CARD10: variants seen among roughly 807,000 people sequenced by gnomAD.
CARD10 encodes the protein caspase recruitment domain family member 10, also known as caspase recruitment domain-containing protein 10.
CARD10 carries 49 observed loss-of-function variants against 114.6 expected under a neutral mutation model. That is an observed-to-expected ratio of 0.43 (90% CI 0.34 to 0.54). The LOEUF is 0.54. Ranked by LOEUF, CARD10 falls within the 20% of genes least tolerant of loss-of-function variation. The probability of loss-of-function intolerance (pLI) is 0.03; values close to 1 mark genes in which losing one functional copy is unlikely to be tolerated. For missense variants in CARD10, 1,206 were observed against 1,397.2 expected, an observed-to-expected ratio of 0.86 and a Z score of 2.18; for synonymous variants, 602 against 593.2, an observed-to-expected ratio of 1.01 and a Z score of -0.21.
Position 37,504,138 on chromosome 22 carries a change from G to A in CARD10, c.1634+48C>T, listed in dbSNP as rs575015176. On this transcript the variant is annotated intron_variant, in intron 9 of 19. Transcript: ENST00000251973. The stretch of plus-strand genomic sequence containing the variant: ...TCTGGGAGGTGGCTGTTCGGGAAAC[G>A]GCAGCCCCACCTCCCTGGGTGTCTA... 3.9e-5 allele frequency: 53 copies of A among 1,353,342 alleles called. No homozygotes were observed. The South Asian group carries it at 4.0e-4, about 10-fold the overall frequency. 83.8% of individuals were successfully genotyped at this position (1,353,342 alleles called of 1,614,324 possible).
chr22:37,514,605 G>A (rs2103577), intron 3 of CARD10: 9,888 of 152,296 alleles, frequency 0.065, 343 homozygotes, highest in Non-Finnish European at 0.068. Flanking sequence ...CCAAGATATC[G>A]ACCCACCTGG....
At chr22:37,507,368 T>C (rs1923448880) in intron 6 of CARD10, among the ~76,000 whole-genome samples, 1 of 152,206 alleles carries the variant, frequency 6.6e-6, no homozygotes, top group Non-Finnish European at 1.5e-5. Flanking sequence ...CCGCTGCAGA[T>C]GGAACCTCAC....
chr22:37,512,603 G>C (rs80184311), intron 3 of CARD10, among the ~76,000 whole-genome samples: 14,432 of 151,560 alleles, frequency 0.095, 797 homozygotes, highest in South Asian at 0.21. Flanking sequence ...AGAAATTCAT[G>C]ACTCCCGCAT....
chr22:37,501,906 C>T lies in CARD10; in HGVS notation c.1787+696G>A, dbSNP rs189280723. ...TCAGGAAGCCTTGACTTTCGCCCTTCCCCCTCGCTCCTCCTCCACAGTCAC... is the reference window on the plus strand; with the variant it reads ...TCAGGAAGCCTTGACTTTCGCCCTTTCCCCTCGCTCCTCCTCCACAGTCAC... On this transcript the variant is annotated intron_variant, in intron 11 of 19. Transcript: ENST00000251973. The surrounding 1 kb of genome is among the most constrained non-coding windows in gnomAD (Gnocchi z 5.4). Among the ~76,000 whole-genome samples the T allele has an allele frequency of 3.9e-5, 6 of 152,354 alleles. No homozygotes were observed. Among genetic ancestry groups the T allele is most frequent in the Non-Finnish European group, 8.8e-5 (6 of 68,030 alleles).
chr22:37,497,462 C>T lies in CARD10; in HGVS notation c.1788-284G>A, dbSNP rs538935238. 1.1e-4 allele frequency among the ~76,000 whole-genome samples: 17 copies of T among 152,320 alleles called. No individual in the cohort carries two copies. The East Asian group carries it at 2.7e-3, about 24-fold the overall frequency. ...CAACTTTGCCTTGCCACGGCCCTTTCGTTTCCTCCATCAGAACGAACACCT... is the reference window on the plus strand; with the variant it reads ...CAACTTTGCCTTGCCACGGCCCTTTTGTTTCCTCCATCAGAACGAACACCT... On this transcript the variant is annotated intron_variant, in intron 11 of 19. Coordinates refer to ENST00000251973, the MANE Select transcript of CARD10 (RefSeq NM_014550.4).
chr22:37,517,150 G>C (rs1923869020), intron 2 of CARD10, among the ~76,000 whole-genome samples: 1 of 152,082 alleles, frequency 6.6e-6, no homozygotes, highest in Non-Finnish European at 1.5e-5. Context: ...ATACAAAACT[G>C]GAAACCTAGG....
At chr22:37,504,092 C>T (rs1205666891) in intron 9 of CARD10, 94 bp downstream of exon 9, 9 of 891,446 alleles carry the variant, frequency 1.0e-5, no homozygotes. Flanking sequence ...ACTGCCTGGA[C>T]CTGACTTTGG....
rs1380653090 is a variant in CARD10 at position 37,501,545 on chromosome 22, A to T, written c.1787+1057T>A. ...GCCAGAGGCCCTGGTCCTATGCTGT[A>T]CCCATCTGCTGCGTGACCCATCCCT... On this transcript the variant is annotated intron_variant, in intron 11 of 19. Coordinates refer to ENST00000251973, the MANE Select transcript of CARD10 (RefSeq NM_014550.4). This position sits in a 1 kb window ranked among gnomAD's most constrained non-coding sequence, Gnocchi z 5.4. Among the ~76,000 whole-genome samples the T allele has an allele frequency of 6.6e-6, 1 of 152,140 alleles. No homozygotes were observed. The highest frequency in any genetic ancestry group is 1.5e-5 in the Non-Finnish European group (1 of 68,012).
At position 37,496,458 on chromosome 22, in the gene CARD10, C is replaced by G; in HGVS notation, c.2050G>C (p.Asp684His). 6.2e-7 allele frequency: 1 copy of G among 1,611,260 alleles called. No homozygotes were observed. Among genetic ancestry groups the G allele is most frequent in the Non-Finnish European group, 8.5e-7 (1 of 1,177,828 alleles). Residue 684 changes from aspartate to histidine, a missense_variant, in exon 13 of 20, where the codon GAC (aspartate) becomes CAC (histidine). Coordinates refer to ENST00000251973, the MANE Select transcript of CARD10 (RefSeq NM_014550.4). The surrounding 1 kb of genome is among the most constrained non-coding windows in gnomAD (Gnocchi z 4.1). ...NQGSTLPSLM[D>H]SKACQSFHEA... ...CCCAAGCCAGACTTACCCTTCGAGT[C>G]CATCAGGGAGGGGAGTGTGGACCCC...
intron 7 of CARD10, among the ~76,000 whole-genome samples, chr22:37,505,056 A>T (rs1379644054): frequency 1.3e-5 from 2 of 152,200 alleles, no homozygotes; most frequent in East Asian, 3.9e-4. Flanking sequence ...TTGAACTGAG[A>T]ACTCAAGGGT....
rs371845957 is a variant in CARD10, at chr22:37,491,881, C to G, written c.2752-14G>C. The G allele has an allele frequency of 3.8e-6, 6 of 1,580,288 alleles. No homozygotes were observed. In the African/African-American group the frequency reaches 6.7e-5, roughly 18 times the overall value. ...CAGGCAGTGCTTCTGCTTGGAGGAT[C>G]GAGGCTACAATGTACTCCTGGGCCA... is the stretch of plus-strand genomic sequence containing the variant. On this transcript the variant is annotated splice_polypyrimidine_tract_variant and intron_variant, in intron 18 of 19. Transcript: ENST00000251973.
chr22:37,510,508 T>C, intron 3 of CARD10, 87 bp from the exon 4 acceptor site: 1 of 1,195,724 alleles, frequency 8.4e-7, no homozygotes, highest in Non-Finnish European at 1.2e-6. Flanking sequence ...CCCTCACTCC[T>C]GGGTGCCTCC....
rs953144680 is a variant in CARD10, at chr22:37,510,529, G to C, written c.700-108C>G. ...CTCCTGGGTGCCTCCCAGATTCCCA[G>C]AGAAGCCGAAGCAGGAGTCCTCCCC... On this transcript the variant is annotated intron_variant, in intron 3 of 19. Coordinates refer to ENST00000251973, the MANE Select transcript of CARD10 (RefSeq NM_014550.4). The C allele has an allele frequency of 6.5e-4, 619 of 948,084 alleles. 4 individuals carry two copies. The highest frequency in any genetic ancestry group is 1.9e-4 in the Non-Finnish European group (121 of 638,090). 58.7% of individuals were successfully genotyped at this position (948,084 alleles called of 1,614,324 possible).
chr22:37,494,193 G>A lies in CARD10; in HGVS notation c.2374-5C>T, dbSNP rs1922908890. 3 of 1,547,096 alleles carry A rather than the reference G, an allele frequency of 1.9e-6. No individual in the cohort carries two copies. Among genetic ancestry groups the A allele is most frequent in the Non-Finnish European group, 2.6e-6 (3 of 1,143,660 alleles). On this transcript the variant is annotated splice_region_variant and splice_polypyrimidine_tract_variant and intron_variant, in intron 15 of 19. Coordinates refer to ENST00000251973, the MANE Select transcript of CARD10 (RefSeq NM_014550.4). The stretch of plus-strand genomic sequence containing the variant: ...GTCCAGGGCTCTCTTCTTCAGCTGG[G>A]AGGGTGCAGGGACAGAGGAGCATCT...
intron 3 of CARD10, among the ~76,000 whole-genome samples, chr22:37,515,623 C>T (rs959151793): frequency 5.3e-5 from 8 of 152,026 alleles, no homozygotes; most frequent in African/African-American, 9.7e-5. Context: ...TTCTTGGCCC[C>T]GGCCCTACCG....
chr22:37,491,384 C>A lies in CARD10; in HGVS notation c.2874G>T (p.Leu958=). ...EKNVREVRGL[L]GRPGWRDSEL... ...CTGAGTCCCGCCAGCCCGGCCGGCC[C>A]AGCAGACCCCTGCCGAGAGAAGAGT... Residue 958 remains leucine (L), a synonymous_variant, in exon 20 of 20, where the codon CTG becomes CTT. Coordinates refer to ENST00000251973, the MANE Select transcript of CARD10 (RefSeq NM_014550.4). 3 of 1,491,822 alleles carry A rather than the reference C, an allele frequency of 2.0e-6. No individual in the cohort carries two copies. Among genetic ancestry groups the A allele is most frequent in the South Asian group, 2.6e-5 (2 of 76,238 alleles). 92.4% of individuals were successfully genotyped at this position (1,491,822 alleles called of 1,614,324 possible). A position where few individuals can be genotyped will look rare whatever the true frequency, so the allele number is the denominator to read the frequency against.
chr22:37,499,675 C>T (rs1923142148), intron 11 of CARD10, among the ~76,000 whole-genome samples: 2 of 152,134 alleles, frequency 1.3e-5, no homozygotes, highest in African/African-American at 4.8e-5. Flanking sequence ...CCTTGCCAAC[C>T]TCCTCAAAGG....
At chr22:37,517,583 A>G (rs970095345) in intron 2 of CARD10, among the ~76,000 whole-genome samples, 1 of 152,178 alleles carries the variant, frequency 6.6e-6, no homozygotes, top group Non-Finnish European at 1.5e-5. Context: ...CGGAGGTTGC[A>G]GTGAGCTGAG....
intron 4 of CARD10, among the ~76,000 whole-genome samples, chr22:37,509,529 T>C (rs548174410): frequency 8.6e-5 from 13 of 151,856 alleles, no homozygotes; most frequent in African/African-American, 3.1e-4. Context: ...TCCCAGGCCT[T>C]GGGAGGATAA....
Sources: allele counts gnomAD v4.1 joint callset (sites outside exome capture counted in the v4.1 genomes callset), GRCh38; gene constraint gnomAD v4.1.1; non-coding constraint Gnocchi (gnomAD v3.1); transcripts MANE v1.5; gene names NCBI Gene and HGNC (gene_info 2026-07-23, HGNC 2026-07-21).